GPR158: variants seen among roughly 807,000 people sequenced by gnomAD.
GPR158 encodes the protein metabotropic glycine receptor.
GPR158 carries 30 observed loss-of-function variants against 78.2 expected under a neutral mutation model. That is an observed-to-expected ratio of 0.38 (90% confidence interval 0.29 to 0.52). The LOEUF is 0.52. Ranked by LOEUF, GPR158 falls within the 20% of genes least tolerant of loss-of-function variation. The pLI is 0.83. For synonymous variants in GPR158, 581 were observed against 591.1 expected (o/e 0.98, Z 0.25); for missense variants, 1,463 against 1,523.5 (o/e 0.96, Z 0.66).
At chr10:25,528,186 G>A (rs1440785394) in intron 5 of GPR158, among the ~76,000 whole-genome samples, 2 of 152,052 alleles carry the variant, frequency 1.3e-5, no homozygotes, top group Non-Finnish European at 2.9e-5. Context: ...CCAATATCCT[G>A]ATATCAGCTC....
At chr10:25,323,140 T>C (rs533697852) in intron 2 of GPR158, among the ~76,000 whole-genome samples, 27 of 152,288 alleles carry the variant, frequency 1.8e-4, no homozygotes, top group African/African-American at 6.0e-4. Flanking sequence ...CCACCGCGCC[T>C]GGCCTCTGAT....
intron 2 of GPR158, among the ~76,000 whole-genome samples, chr10:25,375,263 T>C (rs1834061749): frequency 6.6e-6 from 1 of 151,710 alleles, no homozygotes. Context: ...TTAAGAGTTT[T>C]GGAAATATTC....
At position 25,388,454 on chromosome 10, in the gene GPR158, C is replaced by T. The variant is rs371120035; in HGVS notation, c.1009-7457C>T. On this transcript the variant is annotated intron_variant, in intron 2 of 10. Transcript: ENST00000376351. The stretch of plus-strand genomic sequence containing the variant: ...CTTGCTCCCTGCCATGTCCCACGGG[C>T]CCATAAGCACCAGGCCAAATGTGCA... Among the ~76,000 whole-genome samples, 12 of 152,360 alleles carry T rather than the reference C, an allele frequency of 7.9e-5. No individual in the cohort carries two copies. In the South Asian group the frequency reaches 2.3e-3, roughly 29 times the overall value.
intron 4 of GPR158, among the ~76,000 whole-genome samples, chr10:25,444,499 G>A (rs1428128826): frequency 1.3e-5 from 2 of 151,158 alleles, no homozygotes; most frequent in Non-Finnish European, 3.0e-5. Flanking sequence ...GGGGAAATGT[G>A]GGCGCATGTA....
At chr10:25,552,677 G>GA (rs918558473) in intron 6 of GPR158, among the ~76,000 whole-genome samples, 53 of 152,312 alleles carry the variant, frequency 3.5e-4, no homozygotes, top group African/African-American at 1.3e-3. Context: ...GTGAATGAAT[G>GA]AAAAATGTCA....
At chr10:25,484,033 A>G (rs560861697) in intron 5 of GPR158, among the ~76,000 whole-genome samples, 3 of 152,224 alleles carry the variant, frequency 2.0e-5, no homozygotes, top group South Asian at 4.2e-4. Context: ...TAATTTCCCT[A>G]TGGGCTTATA....
At chr10:25,331,853 G>A (rs67307826) in intron 2 of GPR158, among the ~76,000 whole-genome samples, 6,433 of 152,256 alleles carry the variant, frequency 0.042, 143 homozygotes, top group African/African-American at 0.05. Context: ...ATGTGAGAGT[G>A]ACAATGGCAG....
intron 4 of GPR158, among the ~76,000 whole-genome samples, chr10:25,426,805 CAG>C (rs61654798): frequency 0.7 from 106,014 of 151,622 alleles, 38,052 homozygotes; most frequent in Non-Finnish European, 0.8. Context: ...GGAAGAACGT[CAG>C]TGAGAGATTT....
intron 4 of GPR158, among the ~76,000 whole-genome samples, chr10:25,416,679 T>C (rs992237330): frequency 6.6e-6 from 1 of 152,144 alleles, no homozygotes; most frequent in African/African-American, 2.4e-5. Flanking sequence ...CTGGTTTTAA[T>C]TTAGCAAGTT....
chr10:25,497,681 C>T (rs541334786), intron 5 of GPR158, among the ~76,000 whole-genome samples: 1 of 151,868 alleles, frequency 6.6e-6, no homozygotes, highest in African/African-American at 2.4e-5. Flanking sequence ...ATGCTGTGTG[C>T]TTAGCAAGGT....
At chr10:25,204,818 G>GTTTTTTTTTTT (rs1159106958) in intron 1 of GPR158, among the ~76,000 whole-genome samples, 2 of 118,966 alleles carry the variant, frequency 1.7e-5, no homozygotes, top group African/African-American at 3.4e-5. Flanking sequence ...GTCTCTGAGG[G>GTTTTTTTTTTT]TTTTTTTTTT....
At chr10:25,541,247 C>T (rs192247077) in intron 5 of GPR158, among the ~76,000 whole-genome samples, 365 of 152,038 alleles carry the variant, frequency 2.4e-3, no homozygotes, top group African/African-American at 8.2e-3. Context: ...AAAATGCTCA[C>T]TGTGTATTTT....
At chr10:25,204,218 T>C (rs912647421) in intron 1 of GPR158, among the ~76,000 whole-genome samples, 8 of 152,186 alleles carry the variant, frequency 5.3e-5, no homozygotes, top group African/African-American at 9.6e-5. Context: ...ATTTGACTTC[T>C]GCTTTTCCTA....
intron 3 of GPR158, among the ~76,000 whole-genome samples, chr10:25,411,709 G>A (rs1368495219): frequency 6.6e-6 from 1 of 151,960 alleles, no homozygotes; most frequent in East Asian, 1.9e-4. Context: ...GCAGAGATGG[G>A]CGGATCACAA....
intron 2 of GPR158, among the ~76,000 whole-genome samples, chr10:25,322,473 GAA>G (rs1355227956): frequency 2.0e-5 from 3 of 152,132 alleles, no homozygotes; most frequent in Non-Finnish European, 4.4e-5. Context: ...TCTTTAGCTA[GAA>G]AAGTCTTTGT....
intron 2 of GPR158, among the ~76,000 whole-genome samples, chr10:25,238,376 C>A (rs996903961): frequency 2.0e-5 from 3 of 152,158 alleles, no homozygotes; most frequent in Admixed American, 2.0e-4. Context: ...GGTTGCATAT[C>A]TTTTACAGTA....
chr10:25,402,174 A>G (rs949083829), intron 3 of GPR158, among the ~76,000 whole-genome samples: 1 of 152,092 alleles, frequency 6.6e-6, no homozygotes, highest in South Asian at 2.1e-4. Context: ...TCCTGCCAAA[A>G]GTTAATAATC....
chr10:25,211,124 C>CT (rs1267088955), intron 1 of GPR158, among the ~76,000 whole-genome samples: 1 of 148,544 alleles, frequency 6.7e-6, no homozygotes, highest in African/African-American at 2.5e-5. Flanking sequence ...GAGGGAGAGA[C>CT]TGTCTCAAGA....
intron 4 of GPR158, among the ~76,000 whole-genome samples, chr10:25,443,573 A>AAAT (rs1491399142): frequency 9.7e-5 from 9 of 92,664 alleles, no homozygotes; most frequent in Admixed American, 3.7e-4. Context: ...AAAAAAAAAA[A>AAAT]TTTTTTTTTT....
Sources: allele counts gnomAD v4.1 joint callset (sites outside exome capture counted in the v4.1 genomes callset), GRCh38; gene constraint gnomAD v4.1.1; transcripts MANE v1.5; gene names NCBI Gene and HGNC (gene_info 2026-07-23, HGNC 2026-07-21).